The following ATP13A2 variants were observed in gnomAD, a reference collection of about 807,000 sequenced individuals.
ATP13A2 encodes ATPase cation transporting 13A2, also known as polyamine-transporting ATPase 13A2.
A neutral mutation model predicts 138.3 loss-of-function variants in ATP13A2; 83 were observed. The ratio of observed to expected loss-of-function variants is 0.60; its 90% CI spans 0.50 to 0.72. ATP13A2 has a LOEUF of 0.72. ATP13A2 is among the 30% of genes least tolerant of loss of function. The pLI is 0.00. For missense variants in ATP13A2, 1,402 were observed against 1,606.4 expected (o/e 0.87, Z 2.17); for synonymous variants, 663 against 699.0 (o/e 0.95, Z 0.81).
At position 16,986,660 on chromosome 1, in the gene ATP13A2, G is replaced by A; in HGVS notation, c.3236-28C>T. On this transcript the variant is annotated intron_variant, in intron 27 of 28. Transcript: ENST00000326735. The surrounding 1 kb of genome is among the most constrained non-coding windows in gnomAD (Gnocchi z 6.9). ...GGGAGCAGGAGAGTCTCTCAGGCAG[G>A]AGCCACGCCCCCCCGGCACCCACAG... The A allele has an allele frequency of 6.3e-7, 1 of 1,593,242 alleles. No homozygotes were observed. The highest frequency in any genetic ancestry group is 1.1e-5 in the South Asian group (1 of 89,712).
At chr1:16,996,758 G>A (rs943531047) in intron 12 of ATP13A2, 1 of 623,120 alleles carries the variant, frequency 1.6e-6, no homozygotes, top group African/African-American at 1.8e-5. Context: ...CTGCCTGCCC[G>A]CTACATCCCT....
intron 12 of ATP13A2, 89 bp from the exon 13 acceptor site, chr1:16,996,585 A>T: frequency 9.8e-7 from 1 of 1,018,224 alleles, no homozygotes; most frequent in Non-Finnish European, 1.5e-6. Context: ...GTGCCTCTGG[A>T]GTTGCAAGAC....
At position 16,986,376 on chromosome 1, in the gene ATP13A2, GGT is replaced by G; in HGVS notation, c.3406-20_3406-19del. ...AGCACGCTCTGCAAAGGGCAGGGAG[GGT>G]GTCAGGGGCAGCCGGGGCTGAGCTG... On this transcript the variant is annotated intron_variant, in intron 28 of 28. Coordinates refer to ENST00000326735, the MANE Select transcript of ATP13A2 (RefSeq NM_022089.4). The surrounding 1 kb of genome is among the most constrained non-coding windows in gnomAD (Gnocchi z 6.9). 6.3e-7 allele frequency: 1 copy of G among 1,587,466 alleles called. No individual in the cohort carries two copies. The highest frequency in any genetic ancestry group is 8.5e-7 in the Non-Finnish European group (1 of 1,169,936).
Position 16,997,150 on chromosome 1 carries a change from C to A in ATP13A2, c.1065G>T (p.Thr355=). 2 of 1,613,654 alleles carry A rather than the reference C, an allele frequency of 1.2e-6. No individual in the cohort carries two copies. Among genetic ancestry groups the A allele is most frequent in the Non-Finnish European group, 1.7e-6 (2 of 1,180,032 alleles). The part of the protein sequence containing the change: ...LTGESIPVLK[T]ALPEGLGPYC... ...AGGGCCCCAGCCCCTCCGGCAGTGC[C>A]GTCTTCAGCACTGGAATGCTCTCTC... The change falls in exon 12 of 29, where the codon ACG becomes ACT. Residue 355 remains threonine (T), a synonymous_variant. Coordinates refer to ENST00000326735, the MANE Select transcript of ATP13A2 (RefSeq NM_022089.4).
chr1:16,999,192 C>G lies in ATP13A2; in HGVS notation c.1039+819G>C, dbSNP rs1383636760. Among the ~76,000 whole-genome samples, 4 of 151,450 alleles carry G rather than the reference C, an allele frequency of 2.6e-5. No homozygotes were observed. The East Asian group carries it at 5.9e-4, about 22-fold the overall frequency. ...GGTCAGGAGTTCAAGACCAGTCTGA[C>G]CAACGTGGTGAAACCCCATCTCAAC... is the stretch of plus-strand genomic sequence containing the variant. On this transcript the variant is annotated intron_variant, in intron 11 of 28. Coordinates refer to ENST00000326735, the MANE Select transcript of ATP13A2 (RefSeq NM_022089.4).
At chr1:16,987,725 AG>A (rs1011117455) in intron 25 of ATP13A2, among the ~76,000 whole-genome samples, 1 of 152,126 alleles carries the variant, frequency 6.6e-6, no homozygotes, top group South Asian at 2.1e-4. Context: ...AGAGCAGGGG[AG>A]GGGAGAGCTC....
At chr1:16,991,356 A>G (rs1209833620) in intron 20 of ATP13A2, among the ~76,000 whole-genome samples, 2 of 152,118 alleles carry the variant, frequency 1.3e-5, no homozygotes, top group East Asian at 3.9e-4. Context: ...AAGTGCTGGG[A>G]TTACAGGCAT....
intron 8 of ATP13A2, chr1:17,000,735 G>C: frequency 3.0e-6 from 2 of 663,760 alleles, no homozygotes; most frequent in Non-Finnish European, 5.0e-6. Context: ...AGAGGACAAG[G>C]GTTTATGACC....
Position 16,990,369 on chromosome 1 carries a change from G to A in ATP13A2, c.2252-82C>T. On this transcript the variant is annotated intron_variant, in intron 20 of 28. Transcript: ENST00000326735. ...CCTGATCCTTACAGATGGGAAAACA[G>A]GCTGGATGAAATCCGTCTGCCACCA... is the stretch of plus-strand genomic sequence containing the variant. 3 of 1,563,030 alleles carry A rather than the reference G, an allele frequency of 1.9e-6. No homozygotes were observed. In the Middle Eastern group the frequency reaches 6.7e-4, roughly 347 times the overall value.
rs1350751200 is a variant in ATP13A2, at chr1:16,989,775, G to A, written c.2530-5C>T. ...GACAGTGCCCTGGACCAGGACCTGGGAGCACAGGGAGATGGGGGAGGGCTG... is the reference window on the plus strand; with the variant it reads ...GACAGTGCCCTGGACCAGGACCTGGAAGCACAGGGAGATGGGGGAGGGCTG... On this transcript the variant is annotated splice_region_variant and splice_polypyrimidine_tract_variant and intron_variant, in intron 22 of 28. Coordinates refer to ENST00000326735, the MANE Select transcript of ATP13A2 (RefSeq NM_022089.4). The A allele has an allele frequency of 5.6e-6, 9 of 1,614,032 alleles. No individual in the cohort carries two copies. The highest frequency in any genetic ancestry group is 2.2e-5 in the South Asian group (2 of 91,090).
In ATP13A2 at chr1:17,005,003, G is replaced by A; in HGVS notation, c.347+11C>T. ...AGGGGCTTCTGGGAAGGGGCAATGG[G>A]GCTGCCTCACCTGCCCTCGCCGATG... On this transcript the variant is annotated intron_variant, in intron 4 of 28. Transcript: ENST00000326735. 6.2e-7 allele frequency: 1 copy of A among 1,613,764 alleles called. No individual in the cohort carries two copies. The highest frequency in any genetic ancestry group is 2.2e-5 in the East Asian group (1 of 44,876).
Position 16,997,106 on chromosome 1 carries a change from C to T in ATP13A2, c.1109G>A (p.Arg370Gln), listed in dbSNP as rs369738172. 10 of 1,613,650 alleles carry T rather than the reference C, an allele frequency of 6.2e-6. No individual in the cohort carries two copies. Among genetic ancestry groups the T allele is most frequent in the East Asian group, 2.2e-5 (1 of 44,892 alleles). ...GGTCCCGCAGAAGAGTGTGTGCCGC[C>T]GGTGTGTCTCTGCACAGTAGGGCCC... ...GLGPYCAETH[R>Q]RHTLFCGTLI... is the part of the protein sequence containing the mutation. Residue 370 changes from arginine (R) to glutamine (Q), a missense_variant, in exon 12 of 29, where the codon CGG (arginine) becomes CAG (glutamine). Arg to Gln is a conservative substitution (Grantham distance 43). Transcript: ENST00000326735.
At position 16,995,153 on chromosome 1, in the gene ATP13A2, C is replaced by T. The variant is rs2077073620; in HGVS notation, c.1542+823G>A. ...GTACATCTGTGCTATGACACTCCCA[C>T]CTTTTACCCTTGCTTCTCCTCGACC... On this transcript the variant is annotated intron_variant, in intron 15 of 28. Coordinates refer to ENST00000326735, the MANE Select transcript of ATP13A2 (RefSeq NM_022089.4). The surrounding 1 kb of genome is among the most constrained non-coding windows in gnomAD (Gnocchi z 4.1). Among the ~76,000 whole-genome samples, 1 of 152,248 alleles carries T rather than the reference C, an allele frequency of 6.6e-6. No individual in the cohort carries two copies. Among genetic ancestry groups the T allele is most frequent in the African/African-American group, 2.4e-5 (1 of 41,460 alleles).
Position 16,986,391 on chromosome 1 carries a change from C to A in ATP13A2, c.3406-33G>T. 6.3e-7 allele frequency: 1 copy of A among 1,593,194 alleles called. No homozygotes were observed. Among genetic ancestry groups the A allele is most frequent in the East Asian group, 2.3e-5 (1 of 43,750 alleles). ...GGGCAGGGAGGGTGTCAGGGGCAGC[C>A]GGGGCTGAGCTGGGGTCAATGCACC... On this transcript the variant is annotated intron_variant, in intron 28 of 28. Coordinates refer to ENST00000326735, the MANE Select transcript of ATP13A2 (RefSeq NM_022089.4). This position sits in a 1 kb window ranked among gnomAD's most constrained non-coding sequence, Gnocchi z 6.9.
intron 2 of ATP13A2, 35 bp from the exon 3 acceptor site, chr1:17,005,591 T>C (rs760836054): frequency 6.2e-7 from 1 of 1,613,652 alleles, no homozygotes; most frequent in Non-Finnish European, 8.5e-7. Context: ...CAGGTCGGGG[T>C]GGGAACGGGG....
At chr1:17,003,257 A>C (rs1054991368) in intron 6 of ATP13A2, among the ~76,000 whole-genome samples, 1 of 152,142 alleles carries the variant, frequency 6.6e-6, no homozygotes, top group Admixed American at 6.6e-5. Flanking sequence ...CTTCTGCGGC[A>C]TTCAAACTAA....
rs375233425 is a variant in ATP13A2, at chr1:16,986,725, T to C, written c.3235+80A>G. ...GCCAGTCTTCCACTCGGCCGGCACCTCTCTCCCATCTGCCTCCCCAGCACC... is the reference window on the plus strand; with the variant it reads ...GCCAGTCTTCCACTCGGCCGGCACCCCTCTCCCATCTGCCTCCCCAGCACC... On this transcript the variant is annotated intron_variant, in intron 27 of 28. Transcript: ENST00000326735. The surrounding 1 kb of genome is among the most constrained non-coding windows in gnomAD (Gnocchi z 6.9). 3.5e-5 allele frequency: 55 copies of C among 1,574,940 alleles called. No individual in the cohort carries two copies. The East Asian group carries it at 8.4e-4, about 24-fold the overall frequency.
rs374468183 is a variant in ATP13A2, at chr1:17,000,547, C to T, written c.706-13G>A. The T allele has an allele frequency of 1.6e-5, 26 of 1,610,940 alleles. No individual in the cohort carries two copies. The highest frequency in any genetic ancestry group is 2.2e-5 in the East Asian group (1 of 44,788). On this transcript the variant is annotated splice_polypyrimidine_tract_variant and intron_variant, in intron 8 of 28. Coordinates refer to ENST00000326735, the MANE Select transcript of ATP13A2 (RefSeq NM_022089.4). ...AGGGGTTCAGTGCCTGGGGGAGGGG[C>T]GGGAGGCAGCGTCAGGGCCGCGTCC...
chr1:16,990,186 G>T lies in ATP13A2; in HGVS notation c.2353C>A (p.Gln785Lys). ...IVHATHPERG[Q>K]PASLEFLPME... ...GGCAGGAACTCGAGAGAGGCAGGCT[G>T]ACCCCGCTCAGGGTGGGTGGCGTGG... Residue 785 changes from glutamine to lysine, a missense_variant, in exon 21 of 29, where the codon CAG becomes AAG. Coordinates refer to ENST00000326735, the MANE Select transcript of ATP13A2 (RefSeq NM_022089.4). 6.2e-7 allele frequency: 1 copy of T among 1,614,008 alleles called. No individual in the cohort carries two copies. The highest frequency in any genetic ancestry group is 8.5e-7 in the Non-Finnish European group (1 of 1,180,022).
Sources: allele counts gnomAD v4.1 joint callset (sites outside exome capture counted in the v4.1 genomes callset), GRCh38; gene constraint gnomAD v4.1.1; non-coding constraint Gnocchi (gnomAD v3.1); transcripts MANE v1.5; gene names NCBI Gene and HGNC (gene_info 2026-07-23, HGNC 2026-07-21).